OAT: variants seen among roughly 807,000 people sequenced by gnomAD.
The protein encoded by OAT is ornithine aminotransferase, mitochondrial.
Under a neutral mutation model 48.4 loss-of-function variants are expected in OAT, and 35 were observed. The observed-to-expected ratio is 0.72, with a 90% confidence interval of 0.55 to 0.96. The LOEUF (loss-of-function observed/expected upper bound fraction) is 0.96. Ranked by LOEUF, OAT falls within the 40% of genes least tolerant of loss-of-function variation. The pLI, the probability that OAT is intolerant of heterozygous loss-of-function variation, is 0.00. For synonymous variants in OAT, 182 were observed against 198.4 expected, an observed-to-expected ratio of 0.92 and a Z score of 0.70; for missense variants, 438 against 537.9, an observed-to-expected ratio of 0.81 and a Z score of 1.84.
chr10:124,402,548 T>C (rs1333138700), intron 7 of OAT, among the ~76,000 whole-genome samples: 2 of 152,190 alleles, frequency 1.3e-5, no homozygotes, highest in Non-Finnish European at 2.9e-5. Flanking sequence ...ACCCAAGACA[T>C]GAACTACAAC....
chr10:124,403,426 T>C, intron 6 of OAT: 1 of 414,220 alleles, frequency 2.4e-6, no homozygotes, highest in Non-Finnish European at 4.5e-6. Flanking sequence ...AACTCTCAAA[T>C]GGTAAACAAA....
At chr10:124,402,720 C>T (rs1951446350) in intron 7 of OAT, among the ~76,000 whole-genome samples, 1 of 152,154 alleles carries the variant, frequency 6.6e-6, no homozygotes, top group African/African-American at 2.4e-5. Flanking sequence ...AATTCCAAGG[C>T]ACACTCAATT....
chr10:124,403,327 G>T (rs1027322338), intron 6 of OAT: 1 of 529,278 alleles, frequency 1.9e-6, no homozygotes, highest in African/African-American at 1.9e-5. Flanking sequence ...GCAAAGGTGA[G>T]GGTTTTGTAT....
rs773780981 is a variant in OAT at position 124,401,847 on chromosome 10, A to G, written c.901-8T>C. 1.3e-6 allele frequency: 2 copies of G among 1,595,598 alleles called. No individual in the cohort carries two copies. The highest frequency in any genetic ancestry group is 8.6e-7 in the Non-Finnish European group (1 of 1,164,372). On this transcript the variant is annotated splice_region_variant and splice_polypyrimidine_tract_variant and intron_variant, in intron 7 of 9. Transcript: ENST00000368845. ...ACACAGCACTGCAGACACCTGAAAG[A>G]CAGTCAATTCACCATGTCATTTCTC...
chr10:124,414,696 G>A (rs916840251), intron 1 of OAT, among the ~76,000 whole-genome samples: 2 of 152,138 alleles, frequency 1.3e-5, no homozygotes, highest in Non-Finnish European at 2.9e-5. Context: ...TGAATAAATT[G>A]TTTGATCAAC....
At position 124,405,457 on chromosome 10, in the gene OAT, A is replaced by G. The variant is rs121965056; in HGVS notation, c.627T>C (p.Tyr209=). Residue 209 remains tyrosine (Y), a synonymous_variant, in exon 5 of 10, where the codon TAT becomes TAC. Transcript: ENST00000368845. ...PFMPGFDIIP[Y]NDLPALERAL... The stretch of plus-strand genomic sequence containing the variant: ...ATACCTCCAGTGCGGGCAGATCATT[A>G]TAGGGAATGATGTCGAATCCCGGCA... 6.2e-6 allele frequency: 10 copies of G among 1,613,834 alleles called. No individual in the cohort carries two copies. The highest frequency in any genetic ancestry group is 2.7e-5 in the African/African-American group (2 of 74,932).
Position 124,403,814 on chromosome 10 carries a change from AGCTCTC to A in OAT, c.749_754del (p.Arg250_Glu251del). On this transcript the variant is annotated inframe_deletion, in exon 6 of 10. Transcript: ENST00000368845. ...CGTGACAACCTGGTGCCTGGTGCAGAGCTCTCGCACTCCCATTAGGTAACCTGGATC... is the reference window on the plus strand; with the variant it reads ...CGTGACAACCTGGTGCCTGGTGCAGAGCACTCCCATTAGGTAACCTGGATC... The A allele has an allele frequency of 2.5e-6, 4 of 1,614,192 alleles. No individual in the cohort carries two copies. Among genetic ancestry groups the A allele is most frequent in the Non-Finnish European group, 3.4e-6 (4 of 1,180,022 alleles).
chr10:124,400,652 C>A (rs533402077), intron 9 of OAT, among the ~76,000 whole-genome samples, 188 bp downstream of exon 9: 5 of 152,182 alleles, frequency 3.3e-5, no homozygotes, highest in African/African-American at 1.2e-4. Context: ...ACTCAGGAGG[C>A]TGAGGCAGAG....
At chr10:124,417,681 T>C (rs1014851018) in intron 1 of OAT, among the ~76,000 whole-genome samples, 2 of 152,206 alleles carry the variant, frequency 1.3e-5, no homozygotes, top group Non-Finnish European at 2.9e-5. Context: ...TATTGTTATT[T>C]CACATGGCTA....
chr10:124,401,938 G>C (rs1240406217), intron 7 of OAT, 99 bp from the exon 8 acceptor site: 7 of 863,004 alleles, frequency 8.1e-6, no homozygotes, highest in Non-Finnish European at 1.1e-5. Flanking sequence ...CTTGAGTGCA[G>C]TGGCGTGATC....
chr10:124,399,817 A>G (rs973351003), intron 9 of OAT, among the ~76,000 whole-genome samples: 2 of 152,128 alleles, frequency 1.3e-5, no homozygotes, highest in African/African-American at 4.8e-5. Context: ...TATTGACCCC[A>G]TAACTGTCAT....
At position 124,402,935 on chromosome 10, in the gene OAT, A is replaced by C; in HGVS notation, c.892T>G (p.Leu298Val). 6.2e-7 allele frequency: 1 copy of C among 1,613,924 alleles called. No individual in the cohort carries two copies. The highest frequency in any genetic ancestry group is 8.5e-7 in the Non-Finnish European group (1 of 1,179,984). The part of the protein sequence containing the change: ...VLLGKALSGG[L>V]YPVSAVLCDD... ...GGGAACATGAAACTTACAGGGTATA[A>C]GCCCCCAGAAAGGGCCTTTCCAAGG... The change falls in exon 7 of 10, where the codon TTA becomes GTA. Residue 298 changes from leucine (L) to valine (V), a missense_variant. By Grantham distance (32) the Leu-to-Val change is conservative. Coordinates refer to ENST00000368845, the MANE Select transcript of OAT (RefSeq NM_000274.4).
chr10:124,402,902 G>C (rs1951452167), intron 7 of OAT, 25 bp downstream of exon 7: 1 of 1,612,604 alleles, frequency 6.2e-7, no homozygotes, highest in Non-Finnish European at 8.5e-7. Flanking sequence ...GTAGGAAATG[G>C]AAAGAGGGGG....
chr10:124,399,713 T>C (rs560110766), intron 9 of OAT, among the ~76,000 whole-genome samples: 2 of 152,200 alleles, frequency 1.3e-5, no homozygotes, highest in East Asian at 1.9e-4. Flanking sequence ...GGAAGAGTTA[T>C]CACAAGAAAA....
intron 2 of OAT, among the ~76,000 whole-genome samples, chr10:124,409,238 T>C (rs1951685156): frequency 6.6e-6 from 1 of 152,220 alleles, no homozygotes; most frequent in Admixed American, 6.5e-5. Flanking sequence ...CTTTACCTAA[T>C]TCTAAGATTT....
At chr10:124,407,060 G>A (rs1338767692) in intron 4 of OAT, 3 of 985,242 alleles carry the variant, frequency 3.0e-6, no homozygotes, top group South Asian at 4.7e-5. Flanking sequence ...AATCAGTGCT[G>A]GATTATCGTA....
chr10:124,412,715 G>A (rs368740258), intron 1 of OAT, among the ~76,000 whole-genome samples: 13 of 151,142 alleles, frequency 8.6e-5, no homozygotes, highest in East Asian at 7.9e-4. Flanking sequence ...AGGCTGAGGC[G>A]GGAGGATCAC....
intron 8 of OAT, 107 bp from the exon 9 acceptor site, chr10:124,401,091 A>T: frequency 1.4e-6 from 1 of 703,370 alleles, no homozygotes; most frequent in South Asian, 1.8e-5. Context: ...ATAAAATACC[A>T]GAGGAACTTA....
rs2134491030 is a variant in OAT at position 124,412,070 on chromosome 10, G to T, written c.102C>A (p.Val34=). The T allele has an allele frequency of 2.5e-6, 4 of 1,614,158 alleles. No homozygotes were observed. The highest frequency in any genetic ancestry group is 3.4e-6 in the Non-Finnish European group (4 of 1,180,024). ...TGTCATCAGAGGTTGGAGGGCCTTG[G>T]ACTGTTTTTTTAGTTGCAACAGATG... is the stretch of plus-strand genomic sequence containing the variant. ...SATSVATKKT[V]QGPPTSDDIF... is the part of the protein sequence containing the mutation. The change falls in exon 2 of 10, where the codon GTC becomes GTA. Residue 34 remains valine (V), a synonymous_variant. Transcript: ENST00000368845.
Sources: allele counts gnomAD v4.1 joint callset (sites outside exome capture counted in the v4.1 genomes callset), GRCh38; gene constraint gnomAD v4.1.1; transcripts MANE v1.5; gene names NCBI Gene and HGNC (gene_info 2026-07-23, HGNC 2026-07-21).